The following LYPLAL1 variants were observed in gnomAD, a reference collection of about 807,000 sequenced individuals.
The protein encoded by LYPLAL1 is lysophospholipase-like protein 1.
In LYPLAL1, 23 loss-of-function variants were observed where a neutral mutation model predicts 19.7. The observed-to-expected ratio is 1.17, with a 90% CI of 0.84 to 1.65. The LOEUF (loss-of-function observed/expected upper bound fraction) is 1.65, where lower values mean the gene tolerates loss of function less well. Ranked by LOEUF, LYPLAL1 falls within the 40% of genes most tolerant of loss-of-function variation. LYPLAL1 has a pLI of 0.00. For missense variants in LYPLAL1, 355 were observed against 279.4 expected (o/e 1.27, Z -1.93); for synonymous variants, 119 against 96.3 (o/e 1.24, Z -1.38).
the LYPLAL1 span, chr1:219,410,281 A>G: frequency 1.3e-5 from 2 of 152,226 alleles, no homozygotes; most frequent in African/African-American, 4.8e-5. Flanking sequence ...TAGAGGAAAA[A>G]ACAAATTCGA....
chr1:219,417,756 T>C, the LYPLAL1 span, among the ~76,000 whole-genome samples: 1 of 152,228 alleles, frequency 6.6e-6, no homozygotes, highest in African/African-American at 2.4e-5. Context: ...CTCAGTCCCA[T>C]AATTGGAACA....
At chr1:219,249,011 A>G in the LYPLAL1 span, among the ~76,000 whole-genome samples, 1 of 152,050 alleles carries the variant, frequency 6.6e-6, no homozygotes, top group African/African-American at 2.4e-5. Flanking sequence ...TTCAAATAAT[A>G]TATTGGGACC....
chr1:219,362,446 T>C, the LYPLAL1 span, among the ~76,000 whole-genome samples: 1 of 152,158 alleles, frequency 6.6e-6, no homozygotes, highest in South Asian at 2.1e-4. Context: ...TTTTAAAACG[T>C]GCAAAAGTTG....
chr1:219,376,077 A>G, the LYPLAL1 span, among the ~76,000 whole-genome samples: 4 of 152,102 alleles, frequency 2.6e-5, no homozygotes, highest in Non-Finnish European at 4.4e-5. Flanking sequence ...ACAAACCTAC[A>G]TTAATCAAAA....
At chr1:219,401,653 T>A in the LYPLAL1 span, among the ~76,000 whole-genome samples, 6 of 152,282 alleles carry the variant, frequency 3.9e-5, no homozygotes, top group Admixed American at 3.9e-4. Flanking sequence ...CAAACTCTTT[T>A]GGAAGGTATG....
the LYPLAL1 span, among the ~76,000 whole-genome samples, chr1:219,287,259 T>C: frequency 6.6e-6 from 1 of 152,158 alleles, no homozygotes; most frequent in East Asian, 1.9e-4. Context: ...ACGTAAATAA[T>C]TTAGCAATGT....
intron 4 of LYPLAL1, among the ~76,000 whole-genome samples, chr1:219,210,859 T>C (rs909851944): frequency 6.6e-6 from 1 of 152,080 alleles, no homozygotes; most frequent in South Asian, 2.1e-4. Context: ...ACAAGAAATA[T>C]TGTTAAGCAA....
the LYPLAL1 span, among the ~76,000 whole-genome samples, chr1:219,419,594 C>CAGAGAG: frequency 0.055 from 5,486 of 99,416 alleles, 288 homozygotes; most frequent in Middle Eastern, 0.098. Flanking sequence ...CACACACACA[C>CAGAGAG]AGAGAGAGAG....
At chr1:219,256,202 T>C in the LYPLAL1 span, among the ~76,000 whole-genome samples, 1 of 151,876 alleles carries the variant, frequency 6.6e-6, no homozygotes, top group Non-Finnish European at 1.5e-5. Flanking sequence ...TTTGCGGAGA[T>C]TATTGGATAA....
At chr1:219,230,946 G>C in the LYPLAL1 span, among the ~76,000 whole-genome samples, 1 of 151,968 alleles carries the variant, frequency 6.6e-6, no homozygotes, top group African/African-American at 2.4e-5. Context: ...CACCCACGTG[G>C]GCATTGTTCT....
At chr1:219,381,947 C>T in the LYPLAL1 span, among the ~76,000 whole-genome samples, 1 of 152,212 alleles carries the variant, frequency 6.6e-6, no homozygotes, top group East Asian at 1.9e-4. Context: ...TTCTAGGCAG[C>T]TCCCCACTCC....
the LYPLAL1 span, among the ~76,000 whole-genome samples, chr1:219,417,338 G>A: frequency 6.6e-6 from 1 of 152,032 alleles, no homozygotes; most frequent in African/African-American, 2.4e-5. Context: ...TTAAAACTTT[G>A]ATAGGAAAAA....
chr1:219,287,315 A>T, the LYPLAL1 span, among the ~76,000 whole-genome samples: 66,419 of 152,012 alleles, frequency 0.44, 15,191 homozygotes, highest in East Asian at 0.68. Flanking sequence ...TTTAAGAATG[A>T]TTTCCATTGC....
chr1:219,393,761 C>T, the LYPLAL1 span, among the ~76,000 whole-genome samples: 11 of 150,736 alleles, frequency 7.3e-5, no homozygotes, highest in East Asian at 1.8e-3. Flanking sequence ...GGGCAATAGA[C>T]AATCATGACA....
At chr1:219,216,469 T>G (rs1243057513), downstream of LYPLAL1, among the ~76,000 whole-genome samples, 1 of 152,156 alleles carries the variant, frequency 6.6e-6, no homozygotes, top group African/African-American at 2.4e-5. Context: ...GAGCAGTGTT[T>G]AGTTCAGGAC....
At chr1:219,314,076 G>A in the LYPLAL1 span, among the ~76,000 whole-genome samples, 4 of 152,324 alleles carry the variant, frequency 2.6e-5, no homozygotes, top group South Asian at 8.3e-4. Context: ...AGAACATGCA[G>A]TATTTTGTTT....
intron 1 of LYPLAL1, among the ~76,000 whole-genome samples, chr1:219,176,566 C>G (rs1254199378): frequency 6.6e-6 from 1 of 152,182 alleles, no homozygotes; most frequent in Admixed American, 6.5e-5. Flanking sequence ...GGTTCTTTTT[C>G]TGTCTTGATT....
At chr1:219,198,861 A>G (rs1041378741) in intron 3 of LYPLAL1, 7 of 152,196 alleles carry the variant, frequency 4.6e-5, no homozygotes, top group Non-Finnish European at 1.0e-4. Context: ...CCTGGTTCCC[A>G]TACCCCACCA....
the LYPLAL1 span, among the ~76,000 whole-genome samples, chr1:219,239,763 TCTCC>T: frequency 6.6e-6 from 1 of 152,208 alleles, no homozygotes; most frequent in East Asian, 1.9e-4. Flanking sequence ...ATTTTAACTC[TCTCC>T]ATATTTAGGC....
Sources: allele counts gnomAD v4.1 joint callset (sites outside exome capture counted in the v4.1 genomes callset), GRCh38; gene constraint gnomAD v4.1.1; transcripts MANE v1.5; gene names NCBI Gene and HGNC (gene_info 2026-07-23, HGNC 2026-07-21).